The following C1QTNF2 variants were observed in gnomAD, a reference collection of about 807,000 sequenced individuals.
The protein encoded by C1QTNF2 is complement C1q tumor necrosis factor-related protein 2.
C1QTNF2 carries 15 observed loss-of-function variants against 17.4 expected under a neutral mutation model. That is an observed-to-expected ratio of 0.86 (90% CI 0.58 to 1.33). The LOEUF is 1.33. Ranked by LOEUF, C1QTNF2 falls within the 40% of genes most tolerant of loss-of-function variation. C1QTNF2 has a pLI of 0.00. For missense variants in C1QTNF2, 381 were observed against 392.3 expected (o/e 0.97, Z 0.24); for synonymous variants, 154 against 163.3 (o/e 0.94, Z 0.44).
chr5:160,366,130 A>G (rs1158149162), intron 1 of C1QTNF2, among the ~76,000 whole-genome samples: 1 of 152,098 alleles, frequency 6.6e-6, no homozygotes, highest in Non-Finnish European at 1.5e-5. Context: ...TTGAGTCCCC[A>G]AAGTCCATTG....
intron 1 of C1QTNF2, among the ~76,000 whole-genome samples, chr5:160,364,515 G>A (rs917235604): frequency 6.6e-6 from 1 of 152,208 alleles, no homozygotes; most frequent in Non-Finnish European, 1.5e-5. Context: ...GATAATGGAT[G>A]TTGAATGTAA....
intron 1 of C1QTNF2, among the ~76,000 whole-genome samples, chr5:160,361,561 C>A (rs1279837156): frequency 1.3e-5 from 2 of 152,220 alleles, no homozygotes; most frequent in African/African-American, 4.8e-5. Context: ...GAACACCCAG[C>A]ACTTGATTCC....
rs540996481 is a variant in C1QTNF2 at position 160,357,240 on chromosome 5, C to T, written c.-9-2220G>A. 7.2e-5 allele frequency among the ~76,000 whole-genome samples: 11 copies of T among 152,260 alleles called. No individual in the cohort carries two copies. The South Asian group carries it at 8.3e-4, about 11-fold the overall frequency. ...GGGGAGCAGGAAGAAATCTCACCTT[C>T]GAATGGAAATTGAGGTGTGGGTTGC... On this transcript the variant is annotated intron_variant, in intron 1 of 2. Transcript: ENST00000652664.
chr5:160,356,006 C>A (rs772519041), intron 1 of C1QTNF2, among the ~76,000 whole-genome samples: 9 of 152,170 alleles, frequency 5.9e-5, no homozygotes, highest in Non-Finnish European at 1.0e-4. Flanking sequence ...CAGGCTAGAC[C>A]GTGTCCTTAA....
intron 1 of C1QTNF2, among the ~76,000 whole-genome samples, chr5:160,366,418 G>A (rs1390246574): frequency 6.6e-6 from 1 of 152,164 alleles, no homozygotes; most frequent in African/African-American, 2.4e-5. Context: ...AGAACAAAGA[G>A]AAAGATGATG....
At chr5:160,354,494 G>T (rs550317162) in intron 2 of C1QTNF2, among the ~76,000 whole-genome samples, 1 of 150,944 alleles carries the variant, frequency 6.6e-6, no homozygotes, top group African/African-American at 2.4e-5. Context: ...CAGGAGAATT[G>T]CTTGATCCCA....
At chr5:160,350,628 C>G (rs368242017) in intron 2 of C1QTNF2, among the ~76,000 whole-genome samples, 14 of 152,030 alleles carry the variant, frequency 9.2e-5, no homozygotes, top group Admixed American at 9.2e-4. Context: ...CTTGAGCCCA[C>G]GAGTTCCAGG....
intron 1 of C1QTNF2, among the ~76,000 whole-genome samples, chr5:160,363,478 C>T (rs1764190283): frequency 1.3e-5 from 2 of 152,164 alleles, no homozygotes; most frequent in Admixed American, 6.5e-5. Flanking sequence ...TCTGGTTCAG[C>T]CTAGAAAATG....
intron 1 of C1QTNF2, among the ~76,000 whole-genome samples, chr5:160,368,360 C>T (rs559120279): frequency 2.0e-4 from 31 of 151,812 alleles, no homozygotes; most frequent in Non-Finnish European, 4.3e-4. Context: ...GGTGAAACCC[C>T]GTCTCTACTA....
In C1QTNF2 at chr5:160,349,925, G is replaced by T; in HGVS notation, c.245-144C>A. ...AGGCTTTGCAGACATATAGAAGTGG[G>T]TGTAAATCCTAATGCTAGCTCTCTG... On this transcript the variant is annotated intron_variant, in intron 2 of 2. Transcript: ENST00000652664. The surrounding 1 kb of genome is among the most constrained non-coding windows in gnomAD (Gnocchi z 4.3). 3 of 935,226 alleles carry T rather than the reference G, an allele frequency of 3.2e-6. No homozygotes were observed. Among genetic ancestry groups the T allele is most frequent in the Non-Finnish European group, 4.5e-6 (3 of 661,044 alleles). The allele number at this position is 935,226 out of a possible 1,614,324, so 57.9% of individuals were successfully genotyped here.
intron 1 of C1QTNF2, among the ~76,000 whole-genome samples, chr5:160,370,226 G>A (rs1408626255): frequency 1.3e-5 from 2 of 152,204 alleles, no homozygotes; most frequent in Non-Finnish European, 2.9e-5. Context: ...GCACAAAGTA[G>A]GCGCTCAATA....
chr5:160,349,564 C>T lies in C1QTNF2; in HGVS notation c.462G>A (p.Val154=), dbSNP rs760437778. Residue 154 remains valine, a synonymous_variant, in exon 3 of 3, where the codon GTG becomes GTA. Transcript: ENST00000652664. The surrounding 1 kb of genome is among the most constrained non-coding windows in gnomAD (Gnocchi z 4.3). ...GSGHTKSAFS[V]AVTKSYPRER... ...CCCGTGGGTAGCTCTTGGTCACTGC[C>T]ACCGAGAAAGCTGACTTGGTATGGC... is the stretch of plus-strand genomic sequence containing the variant. 1.2e-6 allele frequency: 2 copies of T among 1,613,822 alleles called. No homozygotes were observed. The highest frequency in any genetic ancestry group is 1.7e-5 in the Admixed American group (1 of 60,030).
chr5:160,359,948 C>T (rs1029742635), intron 1 of C1QTNF2, among the ~76,000 whole-genome samples: 4 of 152,108 alleles, frequency 2.6e-5, no homozygotes, highest in African/African-American at 9.7e-5. Flanking sequence ...GGCCCAGCAC[C>T]CACCCCCCCT....
At position 160,348,549 on chromosome 5, in the gene C1QTNF2, A is replaced by C. The variant is rs949578641; in HGVS notation, c.*619T>G. The C allele has an allele frequency of 2.0e-5, 3 of 152,234 alleles. No individual in the cohort carries two copies. The highest frequency in any genetic ancestry group is 7.2e-5 in the African/African-American group (3 of 41,442). 9.4% of individuals were successfully genotyped at this position (152,234 alleles called of 1,614,324 possible). On this transcript the variant is annotated 3_prime_UTR_variant, in exon 3 of 3. Transcript: ENST00000652664. The stretch of plus-strand genomic sequence containing the variant: ...TCTTTGGAACTCAGCTCAAAAATGG[A>C]AATTTTCCAGGTACTGACTTAGAGG...
chr5:160,366,777 A>G (rs1327191457), intron 1 of C1QTNF2, among the ~76,000 whole-genome samples: 1 of 152,154 alleles, frequency 6.6e-6, no homozygotes, highest in African/African-American at 2.4e-5. Context: ...TAATCCCAGC[A>G]CTTTTGGAGG....
intron 1 of C1QTNF2, among the ~76,000 whole-genome samples, chr5:160,363,465 A>G (rs1485394298): frequency 1.3e-5 from 2 of 152,086 alleles, no homozygotes; most frequent in East Asian, 3.8e-4. Flanking sequence ...CTCTCTCCTC[A>G]TTTCTGGTTC....
intron 1 of C1QTNF2, among the ~76,000 whole-genome samples, chr5:160,368,797 G>T (rs1042848982): frequency 7.5e-6 from 1 of 133,048 alleles, no homozygotes; most frequent in Admixed American, 7.4e-5. Flanking sequence ...TAGCGAGACA[G>T]GGGGGAGGAA....
intron 1 of C1QTNF2, among the ~76,000 whole-genome samples, chr5:160,363,480 T>C (rs1424173092): frequency 6.6e-6 from 1 of 152,190 alleles, no homozygotes; most frequent in East Asian, 1.9e-4. Context: ...TGGTTCAGCC[T>C]AGAAAATGAG....
intron 1 of C1QTNF2, among the ~76,000 whole-genome samples, chr5:160,369,722 G>A (rs929793622): frequency 3.3e-5 from 5 of 152,200 alleles, no homozygotes; most frequent in Middle Eastern, 3.2e-3. Context: ...GGATCACAAT[G>A]AGGTAATGCA....
Sources: gnomAD v4.1 joint callset for allele counts (sites outside exome capture counted in the v4.1 genomes callset) on GRCh38, gnomAD v4.1.1 for gene constraint, Gnocchi (gnomAD v3.1) non-coding constraint, MANE v1.5 for transcripts, NCBI Gene and HGNC (gene_info 2026-07-23, HGNC 2026-07-21) for gene names.